The following PLB1 variants were observed in gnomAD, a reference collection of about 807,000 sequenced individuals.
PLB1 encodes phospholipase B1, membrane-associated.
A neutral mutation model predicts 227.4 loss-of-function variants in PLB1; 242 were observed. The ratio of observed to expected loss-of-function variants is 1.06; its 90% CI spans 0.96 to 1.18. The LOEUF (loss-of-function observed/expected upper bound fraction) is 1.18, where lower values mean the gene tolerates loss of function less well. PLB1 is among the 50% of genes most tolerant of loss of function. PLB1 has a pLI of 0.00. For missense variants in PLB1, 1,858 were observed against 1,816.3 expected, an observed-to-expected ratio of 1.02 and a Z score of -0.42; for synonymous variants, 757 against 682.2, an observed-to-expected ratio of 1.11 and a Z score of -1.71.
intron 20 of PLB1, among the ~76,000 whole-genome samples, chr2:28,567,153 A>G (rs1407571879): frequency 6.6e-6 from 1 of 152,192 alleles, no homozygotes; most frequent in African/African-American, 2.4e-5. Flanking sequence ...CAAGTCATTA[A>G]AAAGTGATTC....
intron 1 of PLB1, among the ~76,000 whole-genome samples, chr2:28,508,494 T>A (rs1171901192): frequency 6.6e-6 from 1 of 152,224 alleles, no homozygotes; most frequent in East Asian, 1.9e-4. Context: ...CATGGTTTTC[T>A]GACTCAGCAC....
At chr2:28,601,549 G>GGTGGTGAGGTAGCA (rs1405714900) in intron 37 of PLB1, among the ~76,000 whole-genome samples, 1 of 151,870 alleles carries the variant, frequency 6.6e-6, no homozygotes, top group Non-Finnish European at 1.5e-5. Context: ...CCATGTCCTA[G>GGTGGTGAGGTAGCA]GTGGTGAGGT....
At position 28,566,528 on chromosome 2, in the gene PLB1, G is replaced by C. The variant is rs542357153; in HGVS notation, c.1281-268G>C. ...TTCCCCTTTGAAAGCAGGGGTGCAAGGAACCAACCTACCTCCCCTTCCCCA... is the reference window on the plus strand; with the variant it reads ...TTCCCCTTTGAAAGCAGGGGTGCAACGAACCAACCTACCTCCCCTTCCCCA... On this transcript the variant is annotated intron_variant, in intron 19 of 57. Transcript: ENST00000327757. 350 of 453,820 alleles carry C rather than the reference G, an allele frequency of 7.7e-4. 1 individual carries two copies. The highest frequency in any genetic ancestry group is 6.5e-3 in the African/African-American group (328 of 50,690). The allele number at this position is 453,820 out of a possible 1,614,324, so 28.1% of individuals were successfully genotyped here.
Position 28,641,855 on chromosome 2 carries a change from C to A in PLB1, c.4173+854C>A, listed in dbSNP as rs142516663. Among the ~76,000 whole-genome samples, 1,014 of 152,224 alleles carry A rather than the reference C, an allele frequency of 6.7e-3. 12 individuals carry two copies. Among genetic ancestry groups the A allele is most frequent in the African/African-American group, 0.023 (961 of 41,536 alleles). On this transcript the variant is annotated intron_variant, in intron 57 of 57. Transcript: ENST00000327757. ...CACAGATAGACCTTCCTGGAAATAA[C>A]TTGCCCCATCAAGGCTGCTTGAAAT... is the stretch of plus-strand genomic sequence containing the variant.
chr2:28,598,480 C>A (rs1173353447), intron 34 of PLB1, among the ~76,000 whole-genome samples, 172 bp from the exon 35 acceptor site: 1 of 152,186 alleles, frequency 6.6e-6, no homozygotes. Context: ...GTCATGTCAA[C>A]TTAGGGTGGT....
chr2:28,574,633 G>T (rs1053388675), intron 21 of PLB1, among the ~76,000 whole-genome samples: 1 of 148,516 alleles, frequency 6.7e-6, no homozygotes, highest in Admixed American at 6.8e-5. Flanking sequence ...CTGACCTCAA[G>T]TAATCTGCCT....
chr2:28,600,817 T>G lies in PLB1; in HGVS notation c.2483T>G (p.Met828Arg), dbSNP rs145020838. 14 of 1,613,466 alleles carry G rather than the reference T, an allele frequency of 8.7e-6. No individual in the cohort carries two copies. Among genetic ancestry groups the G allele is most frequent in the Admixed American group, 6.7e-5 (4 of 60,008 alleles). ...TTTTCTCTCTTTCTCAGGGATCTTA[T>G]GAGCCAAGTCCAAACTCTGATGCAG... ...AVPGAKAEDL[M>R]SQVQTLMQKM... Residue 828 changes from methionine (M) to arginine (R), a missense_variant, in exon 36 of 58, where the codon ATG becomes AGG. Physicochemically the swap from Met to Arg is moderately conservative, Grantham distance 91. Coordinates refer to ENST00000327757, the MANE Select transcript of PLB1 (RefSeq NM_153021.5).
chr2:28,632,734 T>C (rs115043730), intron 55 of PLB1, among the ~76,000 whole-genome samples: 1,744 of 152,054 alleles, frequency 0.011, 29 homozygotes, highest in African/African-American at 0.04. Context: ...CCAGCCTGGC[T>C]GACAGTGCGA....
Position 28,565,261 on chromosome 2 carries a change from C to A in PLB1, c.1207-19C>A. The A allele has an allele frequency of 6.2e-7, 1 of 1,605,426 alleles. No individual in the cohort carries two copies. Among genetic ancestry groups the A allele is most frequent in the East Asian group, 2.2e-5 (1 of 44,692 alleles). ...CTGGGGAAAGCAGAGAAACTCACCC[C>A]CTCATTGTTCCCTCTCAGGCAGGCA... On this transcript the variant is annotated intron_variant, in intron 18 of 57. Transcript: ENST00000327757.
chr2:28,543,225 T>C lies in PLB1; in HGVS notation c.893T>C (p.Leu298Pro). ...TPSLHSEDPR[L>P]QDSTTLAWHL... ...GTTCTCTTTTAGGAGGACCCCCGAC[T>C]CCAGGATTCTACCACGCTGGCCTGG... is the stretch of plus-strand genomic sequence containing the variant. Residue 298 changes from leucine (L) to proline (P), a missense_variant, in exon 14 of 58, where the codon CTC becomes CCC. Physicochemically the swap from Leu to Pro is moderately conservative, Grantham distance 98. Coordinates refer to ENST00000327757, the MANE Select transcript of PLB1 (RefSeq NM_153021.5). 2 of 1,611,798 alleles carry C rather than the reference T, an allele frequency of 1.2e-6. No homozygotes were observed. The highest frequency in any genetic ancestry group is 8.5e-7 in the Non-Finnish European group (1 of 1,179,176).
chr2:28,643,879 T>G lies in PLB1; in HGVS notation c.*818T>G, dbSNP rs1017299919. ...TATGCCCAGGTTTCTGAGGGAAAACTAGAGAGAGTCTGAAAATATGGGCTG... is the reference window on the plus strand; with the variant it reads ...TATGCCCAGGTTTCTGAGGGAAAACGAGAGAGAGTCTGAAAATATGGGCTG... On this transcript the variant is annotated 3_prime_UTR_variant, in exon 58 of 58. Transcript: ENST00000327757. 1.3e-5 allele frequency: 2 copies of G among 152,216 alleles called. No individual in the cohort carries two copies. The highest frequency in any genetic ancestry group is 1.5e-5 in the Non-Finnish European group (1 of 68,026). The allele number at this position is 152,216 out of a possible 1,614,324, so 9.4% of individuals were successfully genotyped here.
chr2:28,510,617 TTCTC>T (rs1302498660), intron 1 of PLB1, among the ~76,000 whole-genome samples: 7 of 112,864 alleles, frequency 6.2e-5, no homozygotes, highest in African/African-American at 2.6e-4. Context: ...TTTTTTCTTT[TTCTC>T]TCTCTTTTTT....
intron 53 of PLB1, 24 bp from the exon 54 acceptor site, chr2:28,630,562 A>G (rs760607289): frequency 6.2e-7 from 1 of 1,606,640 alleles, no homozygotes; most frequent in Non-Finnish European, 8.5e-7. Flanking sequence ...AGGCAGCCTC[A>G]ATACAACACT....
chr2:28,525,329 A>C (rs1670096438), intron 5 of PLB1, 22 bp downstream of exon 5: 1 of 1,611,838 alleles, frequency 6.2e-7, no homozygotes, highest in African/African-American at 1.3e-5. Flanking sequence ...GAAAACACAG[A>C]AAACAGAAAG....
intron 14 of PLB1, among the ~76,000 whole-genome samples, chr2:28,546,797 G>A (rs975531408): frequency 2.0e-5 from 3 of 151,602 alleles, no homozygotes; most frequent in Non-Finnish European, 4.4e-5. Context: ...TTCCTTCTTT[G>A]AGGCCCTTTA....
intron 22 of PLB1, among the ~76,000 whole-genome samples, chr2:28,578,748 AAAGG>A (rs1679422435): frequency 6.6e-6 from 1 of 152,204 alleles, no homozygotes; most frequent in Admixed American, 6.5e-5. Context: ...GGTAAAATAA[AAAGG>A]AAGATTAGGA....
At chr2:28,505,724 A>G (rs940602063) in intron 1 of PLB1, among the ~76,000 whole-genome samples, 1 of 152,228 alleles carries the variant, frequency 6.6e-6, no homozygotes, top group Non-Finnish European at 1.5e-5. Flanking sequence ...AAGTTTTCCC[A>G]AGCCTTCTAG....
chr2:28,633,608 C>T (rs1688957237), intron 56 of PLB1, among the ~76,000 whole-genome samples: 1 of 152,228 alleles, frequency 6.6e-6, no homozygotes, highest in Admixed American at 6.5e-5. Flanking sequence ...GATACCTATT[C>T]CAGTCCTTTC....
At chr2:28,519,908 A>T (rs1669290918) in intron 4 of PLB1, 145 bp downstream of exon 4, 1 of 351,880 alleles carries the variant, frequency 2.8e-6, no homozygotes, top group African/African-American at 2.2e-5. Context: ...GAATCTTTTT[A>T]TTTTTATTTT....
Sources: allele counts gnomAD v4.1 joint callset (sites outside exome capture counted in the v4.1 genomes callset), GRCh38; gene constraint gnomAD v4.1.1; transcripts MANE v1.5; gene names NCBI Gene and HGNC (gene_info 2026-07-23, HGNC 2026-07-21).